Variants in PALM2AKAP2 observed in about 807,000 individuals in gnomAD.
PALM2AKAP2 encodes the protein PALM2 and AKAP2 fusion, also known as PALM2-AKAP2 fusion protein.
In PALM2AKAP2, 37 loss-of-function variants were observed where a neutral mutation model predicts 71.5. The observed-to-expected ratio is 0.52, with a 90% CI of 0.40 to 0.68. The LOEUF (loss-of-function observed/expected upper bound fraction) is 0.68. Ranked by LOEUF, PALM2AKAP2 falls within the 30% of genes least tolerant of loss-of-function variation. The pLI is 0.00. For missense variants in PALM2AKAP2, 1,224 were observed against 1,191.8 expected (o/e 1.03, Z -0.40); for synonymous variants, 468 against 478.8 (o/e 0.98, Z 0.29).
intron 2 of PALM2AKAP2, 27 bp downstream of exon 8, chr9:110,138,566 C>G (rs1397999997): frequency 3.9e-6 from 6 of 1,548,166 alleles, no homozygotes; most frequent in South Asian, 2.5e-5. Context: ...ACATGAGAGA[C>G]AGATGCCACA....
intron 1 of PALM2AKAP2, among the ~76,000 whole-genome samples, chr9:110,100,051 C>CTATATATATA (rs71373968): frequency 0.063 from 6,868 of 109,002 alleles, 302 homozygotes; most frequent in African/African-American, 0.089. Flanking sequence ...GTATGTGTGT[C>CTATATATATA]TATATATATA....
intron 1 of PALM2AKAP2, among the ~76,000 whole-genome samples, chr9:109,814,281 A>G (rs540331291): frequency 6.6e-6 from 1 of 152,366 alleles, no homozygotes; most frequent in South Asian, 2.1e-4. Flanking sequence ...ATACATGGAA[A>G]TGGAAATGCA....
At chr9:109,966,712 T>A (rs1321849621) in intron 6 of PALM2AKAP2, among the ~76,000 whole-genome samples, 1 of 152,234 alleles carries the variant, frequency 6.6e-6, no homozygotes, top group African/African-American at 2.4e-5. Context: ...AGCATGACCT[T>A]AAAATAATGT....
Position 110,111,086 on chromosome 9 carries a change from C to CTTTTTTTTTTTTT in PALM2AKAP2, c.157-25030_157-25018dup, listed in dbSNP as rs34958946. Reference sequence around the variant, plus strand: ...TCCTTTTTTCTTTTCTTTCTTTCTTCTTTTTTTTTTTTTTTTTTTTTTTGA... The same window carrying CTTTTTTTTTTTTT: ...TCCTTTTTTCTTTTCTTTCTTTCTTCTTTTTTTTTTTTTTTTTTTTTTTTTTTTTTTTTTTTGA... On this transcript the variant is annotated intron_variant, in intron 1 of 3. Transcript: ENST00000374525. Among the ~76,000 whole-genome samples the CTTTTTTTTTTTTT allele has an allele frequency of 1.0e-3, 84 of 84,184 alleles. 1 individual carries two copies. Among genetic ancestry groups the CTTTTTTTTTTTTT allele is most frequent in the East Asian group, 1.2e-3 (3 of 2,452 alleles). The allele number at this position is 84,184 out of a possible 152,430, so 55.2% of individuals were successfully genotyped here.
At position 109,842,405 on chromosome 9, in the gene PALM2AKAP2, A is replaced by C. The variant is rs904761094; in HGVS notation, c.46-25086A>C. 7.2e-5 allele frequency among the ~76,000 whole-genome samples: 11 copies of C among 152,198 alleles called. No individual in the cohort carries two copies. In the East Asian group the frequency reaches 2.1e-3, roughly 29 times the overall value. On this transcript the variant is annotated intron_variant, in intron 1 of 9. Coordinates refer to the PALM2AKAP2 transcript ENST00000302798. Reference sequence around the variant, plus strand: ...GGAAGGGGTTGGGAGCTCTATCCTCATTCATTCCCTTGCAGCCTTTGTGAT... The same window carrying C: ...GGAAGGGGTTGGGAGCTCTATCCTCCTTCATTCCCTTGCAGCCTTTGTGAT...
chr9:109,975,256 C>A (rs1171987597), intron 6 of PALM2AKAP2, among the ~76,000 whole-genome samples: 1 of 152,146 alleles, frequency 6.6e-6, no homozygotes, highest in Non-Finnish European at 1.5e-5. Flanking sequence ...CCAGTCCAAC[C>A]CAGAAGGCCA....
intron 1 of PALM2AKAP2, among the ~76,000 whole-genome samples, chr9:109,660,584 T>G (rs1827378260): frequency 6.6e-6 from 1 of 152,182 alleles, no homozygotes; most frequent in South Asian, 2.1e-4. Flanking sequence ...ATTTTCTTAA[T>G]CCAGTCTATC....
intron 1 of PALM2AKAP2, among the ~76,000 whole-genome samples, chr9:110,124,974 ATTAAC>A (rs1835565077): frequency 6.6e-6 from 1 of 152,220 alleles, no homozygotes; most frequent in Non-Finnish European, 1.5e-5. Flanking sequence ...GAAATAAAAT[ATTAAC>A]TTTTTTTCTG....
At chr9:109,782,697 G>A (rs1826842286) in intron 1 of PALM2AKAP2, among the ~76,000 whole-genome samples, 1 of 151,926 alleles carries the variant, frequency 6.6e-6, no homozygotes, top group South Asian at 2.1e-4. Flanking sequence ...ACTGAGGGAT[G>A]ACTGTATGAT....
chr9:109,851,182 C>A (rs1452036848), intron 1 of PALM2AKAP2, among the ~76,000 whole-genome samples: 1 of 51,384 alleles, frequency 1.9e-5, no homozygotes, highest in African/African-American at 5.8e-5. Context: ...GTCTCAACAA[C>A]AACAACAACA....
intron 1 of PALM2AKAP2, among the ~76,000 whole-genome samples, chr9:109,821,684 T>A (rs148338524): frequency 1.4e-3 from 207 of 152,196 alleles, no homozygotes; most frequent in African/African-American, 4.7e-3. Context: ...ACAAGGTGGC[T>A]CCCCCTGTGT....
chr9:109,795,237 T>TG (rs1337781769), intron 1 of PALM2AKAP2, among the ~76,000 whole-genome samples: 1 of 152,178 alleles, frequency 6.6e-6, no homozygotes, highest in Non-Finnish European at 1.5e-5. Flanking sequence ...AAATATCCTT[T>TG]GGGGAAAAAA....
chr9:109,726,655 A>G (rs1015439827), intron 1 of PALM2AKAP2, among the ~76,000 whole-genome samples: 2 of 152,228 alleles, frequency 1.3e-5, no homozygotes, highest in Non-Finnish European at 2.9e-5. Flanking sequence ...GTATGTGTGT[A>G]GAAATCTGAT....
chr9:109,816,716 A>T (rs959788454), intron 1 of PALM2AKAP2, among the ~76,000 whole-genome samples: 2 of 152,228 alleles, frequency 1.3e-5, no homozygotes, highest in African/African-American at 4.8e-5. Context: ...TGAAGTCATC[A>T]GTGGATGTAC....
intron 3 of PALM2AKAP2, among the ~76,000 whole-genome samples, chr9:109,885,397 C>T (rs932631217): frequency 7.2e-5 from 11 of 152,124 alleles, no homozygotes; most frequent in African/African-American, 2.7e-4. Context: ...AATTACCAGG[C>T]CTCATTCTAG....
chr9:109,786,981 G>T (rs564755314), intron 1 of PALM2AKAP2, among the ~76,000 whole-genome samples: 1 of 152,258 alleles, frequency 6.6e-6, no homozygotes, highest in South Asian at 2.1e-4. Flanking sequence ...ATCCCATTTG[G>T]GAATGTTGAT....
intron 1 of PALM2AKAP2, among the ~76,000 whole-genome samples, chr9:109,773,645 C>T (rs1210125760): frequency 6.6e-6 from 1 of 152,186 alleles, no homozygotes; most frequent in African/African-American, 2.4e-5. Context: ...AACCTATTCC[C>T]ATTTTACAAA....
At chr9:110,096,446 T>TATTA (rs1554751183) in intron 1 of PALM2AKAP2, among the ~76,000 whole-genome samples, 1 of 151,842 alleles carries the variant, frequency 6.6e-6, no homozygotes, top group African/African-American at 2.4e-5. Flanking sequence ...TTTATTTATT[T>TATTA]ATTAAGATGG....
At position 109,753,438 on chromosome 9, in the gene PALM2AKAP2, A is replaced by G. The variant is rs77345798; in HGVS notation, c.6-27050A>G. On this transcript the variant is annotated intron_variant, in intron 1 of 6. Transcript: ENST00000374531. ...AGCTTCCAAAAGCATACTCGAGGAA[A>G]GCCATTGGAAACCTGTCAAGCTGTT... Among the ~76,000 whole-genome samples, 724 of 152,294 alleles carry G rather than the reference A, an allele frequency of 4.8e-3. 14 individuals are homozygous for G. The highest frequency in any genetic ancestry group is 0.016 in the African/African-American group (668 of 41,570).
Sources: allele counts gnomAD v4.1 joint callset (sites outside exome capture counted in the v4.1 genomes callset), GRCh38; gene constraint gnomAD v4.1.1; transcripts MANE v1.5; gene names NCBI Gene and HGNC (gene_info 2026-07-23, HGNC 2026-07-21).